IFTAP: variants seen among roughly 807,000 people sequenced by gnomAD.
IFTAP encodes intraflagellar transport-associated protein.
IFTAP carries 19 observed loss-of-function variants against 19.4 expected under a neutral mutation model. The observed-to-expected ratio is 0.98, with a 90% CI of 0.68 to 1.44. The LOEUF (loss-of-function observed/expected upper bound fraction) is 1.44. Ranked by LOEUF, IFTAP falls within the 40% of genes most tolerant of loss-of-function variation. The pLI, the probability that IFTAP is intolerant of heterozygous loss-of-function variation, is 0.00. For synonymous variants in IFTAP, 85 were observed against 83.5 expected (o/e 1.02, Z -0.10); for missense variants, 240 against 253.6 (o/e 0.95, Z 0.36).
At chr11:36,599,936 A>G (rs1379343872) in intron 1 of IFTAP, among the ~76,000 whole-genome samples, 1 of 152,226 alleles carries the variant, frequency 6.6e-6, no homozygotes, top group East Asian at 1.9e-4. Context: ...AATAGAAACC[A>G]TGGATAGATT....
chr11:36,657,027 T>C (rs779190746), intron 5 of IFTAP, among the ~76,000 whole-genome samples: 6 of 152,024 alleles, frequency 3.9e-5, no homozygotes, highest in South Asian at 2.1e-4. Context: ...AGACCTAGTA[T>C]AGGGGACACA....
intron 2 of IFTAP, among the ~76,000 whole-genome samples, chr11:36,618,921 A>G (rs540205604): frequency 6.6e-6 from 1 of 151,992 alleles, no homozygotes; most frequent in Non-Finnish European, 1.5e-5. Context: ...TGGGGAGAAA[A>G]TGGAAAGCAA....
Position 36,649,486 on chromosome 11 carries a change from A to G in IFTAP, c.498+1331A>G, listed in dbSNP as rs1853618897. On this transcript the variant is annotated intron_variant, in intron 5 of 5. Transcript: ENST00000334307. ...GACTTCACTTGTGGCCATAAAAGTT[A>G]TTGGACCAGCCAGTAGACATGGCAC... 2.0e-5 allele frequency among the ~76,000 whole-genome samples: 3 copies of G among 152,250 alleles called. No homozygotes were observed. In the South Asian group the frequency reaches 6.2e-4, roughly 32 times the overall value.
At chr11:36,648,640 TG>T (rs1853587163) in intron 5 of IFTAP, among the ~76,000 whole-genome samples, 1 of 152,140 alleles carries the variant, frequency 6.6e-6, no homozygotes, top group Non-Finnish European at 1.5e-5. Context: ...GGCTCCTTTT[TG>T]GGGGGTCATC....
chr11:36,609,955 C>T (rs1851816023), intron 1 of IFTAP, 126 bp from the exon 2 acceptor site: 1 of 762,932 alleles, frequency 1.3e-6, no homozygotes, highest in Admixed American at 2.8e-5. Context: ...CTAGAGGTCA[C>T]TGCTCTAGTA....
intron 2 of IFTAP, among the ~76,000 whole-genome samples, chr11:36,625,610 C>T (rs924749791): frequency 3.9e-5 from 6 of 152,122 alleles, no homozygotes; most frequent in Admixed American, 2.0e-4. Flanking sequence ...CTACATTGCA[C>T]GCCCTCATTC....
At chr11:36,615,786 A>C (rs554964926) in intron 2 of IFTAP, among the ~76,000 whole-genome samples, 89 of 150,426 alleles carry the variant, frequency 5.9e-4, no homozygotes, top group African/African-American at 2.0e-3. Flanking sequence ...GACTTTGCTG[A>C]AGTTGCTTAT....
In IFTAP at chr11:36,610,078, C is replaced by T; in HGVS notation, c.-23-3C>T. The T allele has an allele frequency of 6.2e-7, 1 of 1,610,246 alleles. No homozygotes were observed. The highest frequency in any genetic ancestry group is 1.7e-4 in the Middle Eastern group (1 of 6,042). On this transcript the variant is annotated splice_polypyrimidine_tract_variant and splice_region_variant and intron_variant, in intron 1 of 5. Coordinates refer to ENST00000334307, the MANE Select transcript of IFTAP (RefSeq NM_138787.4). ...CTCTAGCTGGTATTTTTCTGTCTTG[C>T]AGATACTGTGGCCTCATGAATAGGA...
chr11:36,612,410 T>C (rs1565009361), intron 2 of IFTAP, among the ~76,000 whole-genome samples: 1 of 152,054 alleles, frequency 6.6e-6, no homozygotes, highest in Non-Finnish European at 1.5e-5. Context: ...TGTCCTTTTT[T>C]CCCTTTAAAC....
chr11:36,645,436 T>C (rs1853442540), intron 4 of IFTAP, among the ~76,000 whole-genome samples: 1 of 152,162 alleles, frequency 6.6e-6, no homozygotes, highest in South Asian at 2.1e-4. Context: ...TTCATTAAGA[T>C]GAAAACAAAG....
intron 2 of IFTAP, among the ~76,000 whole-genome samples, chr11:36,622,505 A>G (rs981085514): frequency 1.3e-5 from 2 of 152,022 alleles, no homozygotes; most frequent in African/African-American, 4.8e-5. Context: ...GTGTAATGGG[A>G]AGGGACACTT....
At chr11:36,649,309 C>G (rs1392803870) in intron 5 of IFTAP, among the ~76,000 whole-genome samples, 1 of 152,086 alleles carries the variant, frequency 6.6e-6, no homozygotes, top group East Asian at 1.9e-4. Context: ...TATTAAACTC[C>G]CAAATTGATT....
At position 36,626,135 on chromosome 11, in the gene IFTAP, T is replaced by C. The variant is rs1852500730; in HGVS notation, c.137-7149T>C. Reference sequence around the variant, plus strand: ...ACTAGCGTCTTTGCACCCTTCTTACTTATGGCCTTTGGATACATTTCCACC... The same window carrying C: ...ACTAGCGTCTTTGCACCCTTCTTACCTATGGCCTTTGGATACATTTCCACC... On this transcript the variant is annotated intron_variant, in intron 2 of 5. Coordinates refer to ENST00000334307, the MANE Select transcript of IFTAP (RefSeq NM_138787.4). 1.3e-5 allele frequency among the ~76,000 whole-genome samples: 2 copies of C among 151,210 alleles called. 1 individual carries two copies. The highest frequency in any genetic ancestry group is 4.9e-5 in the African/African-American group (2 of 40,510).
chr11:36,594,986 A>G (rs1265698273), intron 1 of IFTAP: 1 of 152,262 alleles, frequency 6.6e-6, no homozygotes, highest in African/African-American at 2.4e-5. Flanking sequence ...GAACCGAAAG[A>G]TGGATCTTTG....
intron 5 of IFTAP, among the ~76,000 whole-genome samples, chr11:36,649,436 T>A (rs1465507241): frequency 6.6e-6 from 1 of 152,168 alleles, no homozygotes; most frequent in African/African-American, 2.4e-5. Context: ...ACTCAATTTC[T>A]TTTTTAAGAT....
At chr11:36,656,181 CCTTA>C (rs1006944919) in intron 5 of IFTAP, among the ~76,000 whole-genome samples, 5 of 152,052 alleles carry the variant, frequency 3.3e-5, no homozygotes, top group African/African-American at 1.2e-4. Flanking sequence ...GAAATACAGG[CCTTA>C]CTTTATCTGG....
At chr11:36,600,421 C>T (rs1450563014) in intron 1 of IFTAP, among the ~76,000 whole-genome samples, 2 of 152,170 alleles carry the variant, frequency 1.3e-5, no homozygotes, top group Non-Finnish European at 2.9e-5. Context: ...GCATTAGATT[C>T]TCATTGGAGT....
chr11:36,602,103 C>T (rs1015924646), intron 1 of IFTAP, among the ~76,000 whole-genome samples: 7 of 152,158 alleles, frequency 4.6e-5, no homozygotes, highest in African/African-American at 1.7e-4. Flanking sequence ...ATTGTATTAC[C>T]TCTTATAGCC....
chr11:36,654,074 A>G (rs1853862580), intron 5 of IFTAP, among the ~76,000 whole-genome samples: 1 of 152,096 alleles, frequency 6.6e-6, no homozygotes, highest in South Asian at 2.1e-4. Context: ...GTCTGTTCTT[A>G]TGTCTCTCTT....
Sources: gnomAD v4.1 joint callset for allele counts (sites outside exome capture counted in the v4.1 genomes callset) on GRCh38, gnomAD v4.1.1 for gene constraint, MANE v1.5 for transcripts, NCBI Gene and HGNC (gene_info 2026-07-23, HGNC 2026-07-21) for gene names.